Variants in ATXN7L3 observed in about 807,000 individuals in gnomAD.
ATXN7L3 encodes ataxin 7 like 3.
A neutral mutation model predicts 50.0 loss-of-function variants in ATXN7L3; 6 were observed. The ratio of observed to expected loss-of-function variants is 0.12; its 90% confidence interval spans 0.07 to 0.24. The LOEUF (loss-of-function observed/expected upper bound fraction) is 0.24. ATXN7L3 is among the 10% of genes least tolerant of loss of function. The pLI is 1.00. For missense variants in ATXN7L3, 322 were observed against 451.3 expected, an observed-to-expected ratio of 0.71 and a Z score of 2.60; for synonymous variants, 198 against 165.8, an observed-to-expected ratio of 1.19 and a Z score of -1.49.
Position 44,198,143 on chromosome 17 carries a change from G to A in ATXN7L3, c.-60-13C>T. ...GGCGGCAACACGGCTGCACACACGG[G>A]GGTGGGGGTGTTGTTGTGAGTCCAA... On this transcript the variant is annotated splice_polypyrimidine_tract_variant and intron_variant, in intron 1 of 12. Coordinates refer to ENST00000587097, the MANE Select transcript of ATXN7L3 (RefSeq NM_001382309.1). 1.4e-6 allele frequency: 2 copies of A among 1,478,768 alleles called. No homozygotes were observed. The highest frequency in any genetic ancestry group is 1.9e-6 in the Non-Finnish European group (2 of 1,065,804). 91.6% of individuals were successfully genotyped at this position (1,478,768 alleles called of 1,614,324 possible).
chr17:44,192,206 G>GC lies in ATXN7L3; in HGVS notation c.*2056_*2057insG, dbSNP rs1397336981. On this transcript the variant is annotated 3_prime_UTR_variant, in exon 13 of 13. Transcript: ENST00000587097. ...TAGCCCCTGTTCAACTACATGGTAG[G>GC]GGGGGCACTCTCTCCCCAGAAGGAA... is the stretch of plus-strand genomic sequence containing the variant. The GC allele has an allele frequency of 1.3e-5, 2 of 152,016 alleles. No homozygotes were observed. The highest frequency in any genetic ancestry group is 1.9e-4 in the East Asian group (1 of 5,170). The allele number at this position is 152,016 out of a possible 1,614,324, so 9.4% of individuals were successfully genotyped here. A position where few individuals can be genotyped will look rare whatever the true frequency, so the allele number is the denominator to read the frequency against.
intron 6 of ATXN7L3, 46 bp from the exon 7 acceptor site, chr17:44,196,125 G>A: frequency 6.3e-7 from 1 of 1,580,514 alleles, no homozygotes; most frequent in Non-Finnish European, 8.7e-7. Flanking sequence ...TAACGAAAAG[G>A]GGGAGCCGAG....
chr17:44,193,231 G>A lies in ATXN7L3; in HGVS notation c.*1032C>T, dbSNP rs1042123477. On this transcript the variant is annotated 3_prime_UTR_variant, in exon 13 of 13. Transcript: ENST00000587097. ...AATAACTTAAAAGCGCTAAGGAAGG[G>A]AAACAGGGCACGCTTTGGAGGCAGG... 1 of 152,164 alleles carries A rather than the reference G, an allele frequency of 6.6e-6. No homozygotes were observed. Among genetic ancestry groups the A allele is most frequent in the Non-Finnish European group, 1.5e-5 (1 of 68,038 alleles). 9.4% of individuals were successfully genotyped at this position (152,164 alleles called of 1,614,324 possible).
intron 9 of ATXN7L3, 61 bp from the exon 10 acceptor site, chr17:44,195,201 T>C: frequency 6.4e-7 from 1 of 1,552,738 alleles, no homozygotes; most frequent in South Asian, 1.1e-5. Flanking sequence ...ATGTTAGATG[T>C]TTCTTTCTGT....
chr17:44,192,371 TTC>T lies in ATXN7L3; in HGVS notation c.*1890_*1891del, dbSNP rs2055720762. The stretch of plus-strand genomic sequence containing the variant: ...AACCAGTTCCCAAGCTACTTCCCAC[TTC>T]TCCCTCCTCCAACCAGAAGGGGGGA... On this transcript the variant is annotated 3_prime_UTR_variant, in exon 13 of 13. Transcript: ENST00000587097. 1 of 152,300 alleles carries T rather than the reference TTC, an allele frequency of 6.6e-6. No homozygotes were observed. The highest frequency in any genetic ancestry group is 1.5e-5 in the Non-Finnish European group (1 of 68,102). 9.4% of individuals were successfully genotyped at this position (152,300 alleles called of 1,614,324 possible).
intron 3 of ATXN7L3, 31 bp from the exon 4 acceptor site, chr17:44,197,430 G>C: frequency 6.3e-7 from 1 of 1,577,948 alleles, no homozygotes; most frequent in Non-Finnish European, 8.6e-7. Context: ...CGATCAGGGT[G>C]GGCAGGACCC....
Position 44,199,685 on chromosome 17 carries a change from C to T in ATXN7L3, c.-250G>A, listed in dbSNP as rs1200642851. 1 of 143,012 alleles carries T rather than the reference C, an allele frequency of 7.0e-6. No homozygotes were observed. The highest frequency in any genetic ancestry group is 1.6e-5 in the Non-Finnish European group (1 of 64,078). 8.9% of individuals were successfully genotyped at this position (143,012 alleles called of 1,614,324 possible). The stretch of plus-strand genomic sequence containing the variant: ...GCCGCCTCACCGGGCGGCCATGGCC[C>T]CTTCCCCTCCCTTCTTGTCCCGTCG... On this transcript the variant is annotated 5_prime_UTR_variant, in exon 1 of 13. Coordinates refer to ENST00000587097, the MANE Select transcript of ATXN7L3 (RefSeq NM_001382309.1).
intron 12 of ATXN7L3, 25 bp downstream of exon 12, chr17:44,194,492 C>T: frequency 1.9e-6 from 3 of 1,613,286 alleles, no homozygotes; most frequent in Non-Finnish European, 2.5e-6. Context: ...GCACAGAGCC[C>T]CTAGGGCCCA....
Position 44,194,022 on chromosome 17 carries a change from C to T in ATXN7L3, c.*241G>A, listed in dbSNP as rs2055790180. 5 of 527,040 alleles carry T rather than the reference C, an allele frequency of 9.5e-6. No individual in the cohort carries two copies. The highest frequency in any genetic ancestry group is 1.7e-5 in the Non-Finnish European group (5 of 301,834). The allele number at this position is 527,040 out of a possible 1,614,324, so 32.6% of individuals were successfully genotyped here. A position where few individuals can be genotyped will look rare whatever the true frequency, so the allele number is the denominator to read the frequency against. On this transcript the variant is annotated 3_prime_UTR_variant, in exon 13 of 13. Transcript: ENST00000587097. ...AATAAATAGGAAAACCGCCTCCCCA[C>T]CAAACTTATGTCCAAGGCATAATAT...
chr17:44,198,006 G>C lies in ATXN7L3; in HGVS notation c.51+14C>G, dbSNP rs139283167. ...AAGAGAAAGAACTGGAGGCACACGTGGGGGAGCCCTCACCTCTAGTTTGCT... is the reference window on the plus strand; with the variant it reads ...AAGAGAAAGAACTGGAGGCACACGTCGGGGAGCCCTCACCTCTAGTTTGCT... On this transcript the variant is annotated intron_variant, in intron 2 of 12. Transcript: ENST00000587097. The C allele has an allele frequency of 1.1e-5, 18 of 1,612,202 alleles. No individual in the cohort carries two copies. The highest frequency in any genetic ancestry group is 7.7e-5 in the South Asian group (7 of 91,012).
At position 44,195,812 on chromosome 17, in the gene ATXN7L3, C is replaced by T. The variant is rs372215470; in HGVS notation, c.540G>A (p.Ser180=). The T allele has an allele frequency of 2.0e-5, 33 of 1,610,842 alleles. No individual in the cohort carries two copies. The highest frequency in any genetic ancestry group is 3.4e-5 in the Admixed American group (2 of 59,502). ...LKHKNGELSN[S]DPFKYNNSTG... is the part of the protein sequence containing the mutation. ...GGCCCATACTCACCTTAAAAGGATC[C>T]GAATTGCTAAGTTCCCCTGAAGAAG... Residue 180 remains serine, a synonymous_variant, in exon 8 of 13, where the codon TCG becomes TCA. Transcript: ENST00000587097.
At chr17:44,196,229 C>A in intron 6 of ATXN7L3, 150 bp from the exon 7 acceptor site, 1 of 815,224 alleles carries the variant, frequency 1.2e-6, no homozygotes, top group South Asian at 1.7e-5. Flanking sequence ...TGTGCCCTCC[C>A]CCACCCCCCT....
Position 44,192,707 on chromosome 17 carries a change from C to CCA in ATXN7L3, c.*1554_*1555dup, listed in dbSNP as rs1231677432. ...AAACCAATTTGCAACCAGGCATGAG[C>CCA]CACAATCAGAACCACCCCAGCGGGA... On this transcript the variant is annotated 3_prime_UTR_variant, in exon 13 of 13. Coordinates refer to ENST00000587097, the MANE Select transcript of ATXN7L3 (RefSeq NM_001382309.1). 6.6e-6 allele frequency: 1 copy of CCA among 152,238 alleles called. No homozygotes were observed. Among genetic ancestry groups the CCA allele is most frequent in the Admixed American group, 6.5e-5 (1 of 15,274 alleles). 9.4% of individuals were successfully genotyped at this position (152,238 alleles called of 1,614,324 possible). A position where few individuals can be genotyped will look rare whatever the true frequency, so the allele number is the denominator to read the frequency against.
At chr17:44,196,146 A>G in intron 6 of ATXN7L3, 67 bp from the exon 7 acceptor site, 1 of 1,534,100 alleles carries the variant, frequency 6.5e-7, no homozygotes, top group Non-Finnish European at 9.0e-7. Context: ...AACCCAGGGA[A>G]GGAAAAAAGA....
Position 44,198,677 on chromosome 17 carries a change from G to A in ATXN7L3, c.-60-547C>T, listed in dbSNP as rs907635628. Among the ~76,000 whole-genome samples, 101 of 152,156 alleles carry A rather than the reference G, an allele frequency of 6.6e-4. 1 individual carries two copies. Among genetic ancestry groups the A allele is most frequent in the African/African-American group, 2.4e-3 (99 of 41,532 alleles). On this transcript the variant is annotated intron_variant, in intron 1 of 12. Coordinates refer to ENST00000587097, the MANE Select transcript of ATXN7L3 (RefSeq NM_001382309.1). ...GAAATCAGCCTGCCACTCCACGAGGGGAGCAGAGCCCACAGGAGCCTAGAG... is the reference window on the plus strand; with the variant it reads ...GAAATCAGCCTGCCACTCCACGAGGAGAGCAGAGCCCACAGGAGCCTAGAG...
chr17:44,194,498 G>A lies in ATXN7L3; in HGVS notation c.895+19C>T, dbSNP rs1178045697. 6.2e-7 allele frequency: 1 copy of A among 1,613,360 alleles called. No homozygotes were observed. Among genetic ancestry groups the A allele is most frequent in the Non-Finnish European group, 8.5e-7 (1 of 1,179,860 alleles). The stretch of plus-strand genomic sequence containing the variant: ...TGGCTTTGGGCACAGAGCCCCTAGG[G>A]CCCAACTGCATCACGTACCTAGACC... On this transcript the variant is annotated intron_variant, in intron 12 of 12. Coordinates refer to ENST00000587097, the MANE Select transcript of ATXN7L3 (RefSeq NM_001382309.1).
At chr17:44,196,237 CCTTCCCCACCCACACT>C in intron 6 of ATXN7L3, 143 bp downstream of exon 6, 1 of 773,558 alleles carries the variant, frequency 1.3e-6, no homozygotes, top group Non-Finnish European at 2.1e-6. Flanking sequence ...CCCCCACCCC[CCTTCCCCACCCACACT>C]CCCCCGCCCC....
rs2055690195 is a variant in ATXN7L3, at chr17:44,192,091, T to A, written c.*2172A>T. 6.6e-6 allele frequency: 1 copy of A among 152,390 alleles called. No homozygotes were observed. Among genetic ancestry groups the A allele is most frequent in the African/African-American group, 2.4e-5 (1 of 41,336 alleles). 9.4% of individuals were successfully genotyped at this position (152,390 alleles called of 1,614,324 possible). ...CCCCCACACACACTCAGACACAGGA[T>A]ACAGGGTGGACGACACCTAGCCGGG... On this transcript the variant is annotated 3_prime_UTR_variant, in exon 13 of 13. Coordinates refer to ENST00000587097, the MANE Select transcript of ATXN7L3 (RefSeq NM_001382309.1).
Position 44,194,031 on chromosome 17 carries a change from T to C in ATXN7L3, c.*232A>G, listed in dbSNP as rs529787653. 7.4e-6 allele frequency: 4 copies of C among 544,178 alleles called. No individual in the cohort carries two copies. Among genetic ancestry groups the C allele is most frequent in the Non-Finnish European group, 1.3e-5 (4 of 312,488 alleles). The allele number at this position is 544,178 out of a possible 1,614,324, so 33.7% of individuals were successfully genotyped here. ...GAAAACCGCCTCCCCACCAAACTTA[T>C]GTCCAAGGCATAATATGTCCAGGTC... On this transcript the variant is annotated 3_prime_UTR_variant, in exon 13 of 13. Transcript: ENST00000587097.
Sources: allele counts gnomAD v4.1 joint callset (sites outside exome capture counted in the v4.1 genomes callset), GRCh38; gene constraint gnomAD v4.1.1; transcripts MANE v1.5; gene names NCBI Gene and HGNC (gene_info 2026-07-23, HGNC 2026-07-21).